Variants in FAM193A observed in about 807,000 individuals in gnomAD.
FAM193A encodes the protein family with sequence similarity 193 member A, also known as protein FAM193A.
Under a neutral mutation model 126.5 loss-of-function variants are expected in FAM193A, and 22 were observed. That is an observed-to-expected ratio of 0.17 (90% CI 0.12 to 0.25). The LOEUF (loss-of-function observed/expected upper bound fraction) is 0.25, where lower values mean the gene tolerates loss of function less well. Among genes scored for constraint, FAM193A ranks in the 10% least tolerant of loss-of-function variants. The pLI, the probability that FAM193A is intolerant of heterozygous loss-of-function variation, is 1.00. For missense variants in FAM193A, 1,675 were observed against 1,672.8 expected, an observed-to-expected ratio of 1.00 and a Z score of -0.02; for synonymous variants, 761 against 646.8, an observed-to-expected ratio of 1.18 and a Z score of -2.68.
At chr4:2,652,545 C>T (rs1467066222) in intron 7 of FAM193A, among the ~76,000 whole-genome samples, 8 of 152,100 alleles carry the variant, frequency 5.3e-5, no homozygotes, top group Non-Finnish European at 1.0e-4. Flanking sequence ...GCACATCTTA[C>T]GTGGCTGGAG....
chr4:2,559,322 T>G (rs547102933), intron 1 of FAM193A, among the ~76,000 whole-genome samples: 1 of 152,288 alleles, frequency 6.6e-6, no homozygotes, highest in East Asian at 1.9e-4. Context: ...GTTTGAAAAA[T>G]TCCTCTAATT....
chr4:2,638,129 C>G (rs1240783689), intron 5 of FAM193A, among the ~76,000 whole-genome samples: 1 of 152,344 alleles, frequency 6.6e-6, no homozygotes, highest in East Asian at 1.9e-4. Flanking sequence ...TTCCAGGAGG[C>G]CCCTCCCTCA....
Position 2,630,946 on chromosome 4 carries a change from G to A in FAM193A, c.815G>A (p.Arg272Lys), listed in dbSNP as rs747355342. 1.3e-6 allele frequency: 2 copies of A among 1,596,446 alleles called. No homozygotes were observed. ...VKELVDRLCE[R>K]DPYQLYQRLE... ...TCTTCTCTGTGCAGGCTCTGCGAGA[G>A]GGACCCCTACCAGCTGTACCAGCGT... is the stretch of plus-strand genomic sequence containing the variant. The change falls in exon 5 of 21, where the codon AGG (arginine) becomes AAG (lysine). Residue 272 changes from arginine to lysine, a missense_variant. Around this residue, in one of 4 missense-constraint regions of FAM193A, gnomAD observed 1,186 missense variants for 1,109.2 expected, o/e 1.07. Coordinates refer to ENST00000637812, the MANE Select transcript of FAM193A (RefSeq NM_001366318.2).
At chr4:2,547,128 C>T (rs1014491083) in intron 1 of FAM193A, among the ~76,000 whole-genome samples, 3 of 152,106 alleles carry the variant, frequency 2.0e-5, no homozygotes, top group Non-Finnish European at 4.4e-5. Flanking sequence ...TGGCTCACGC[C>T]TGTAATTCCA....
intron 13 of FAM193A, among the ~76,000 whole-genome samples, chr4:2,674,271 C>T (rs1714150214): frequency 6.6e-6 from 1 of 151,886 alleles, no homozygotes; most frequent in Admixed American, 6.5e-5. Flanking sequence ...TGTTATTTGA[C>T]TTAGTTTGGC....
Position 2,696,391 on chromosome 4 carries a change from A to G in FAM193A, c.3305A>G (p.Tyr1102Cys), listed in dbSNP as rs1369653459. The change falls in exon 18 of 21, where the codon TAT (tyrosine) becomes TGT (cysteine). Residue 1102 changes from tyrosine (Y) to cysteine (C), a missense_variant. By Grantham distance (194) the Tyr-to-Cys change is radical. Transcript: ENST00000637812. Reference protein sequence around the residue: ...GPPAAPTSRNYAEMREKLRLR... With the variant: ...GPPAAPTSRNCAEMREKLRLR... ...CCAGCTGCACCAACAAGTAGAAATT[A>G]TGCAGAAATGAGGGAAAAGCTTCGC... The G allele has an allele frequency of 6.2e-7, 1 of 1,614,020 alleles. No homozygotes were observed. Among genetic ancestry groups the G allele is most frequent in the Non-Finnish European group, 8.5e-7 (1 of 1,179,888 alleles).
intron 19 of FAM193A, among the ~76,000 whole-genome samples, chr4:2,710,178 T>G (rs13151906): frequency 4.3e-5 from 4 of 92,196 alleles, no homozygotes; most frequent in Admixed American, 4.2e-4. Flanking sequence ...TTTTTTTTTC[T>G]TTTTTTTTTT....
At chr4:2,694,760 C>T (rs115820200) in intron 16 of FAM193A, among the ~76,000 whole-genome samples, 186 bp from the exon 17 acceptor site, 3,944 of 152,224 alleles carry the variant, frequency 0.026, 182 homozygotes, top group African/African-American at 0.09. Context: ...CATGCGCACA[C>T]GCCATGTCTC....
chr4:2,725,947 G>A (rs1287900708), intron 20 of FAM193A, among the ~76,000 whole-genome samples: 1 of 151,818 alleles, frequency 6.6e-6, no homozygotes, highest in African/African-American at 2.4e-5. Flanking sequence ...CGCCCAGGCT[G>A]GAGTGCAGTG....
At chr4:2,730,714 C>T (rs1721280938) in intron 20 of FAM193A, among the ~76,000 whole-genome samples, 1 of 150,466 alleles carries the variant, frequency 6.6e-6, no homozygotes, top group Non-Finnish European at 1.5e-5. Context: ...AGCTTCTTGG[C>T]CAGGGAAGAA....
intron 19 of FAM193A, among the ~76,000 whole-genome samples, chr4:2,706,999 G>C (rs771077965): frequency 6.6e-6 from 1 of 152,006 alleles, no homozygotes; most frequent in Non-Finnish European, 1.5e-5. Flanking sequence ...GCGAGCGCCT[G>C]TGGTCCCAGC....
rs142087946 is a variant in FAM193A, at chr4:2,557,722, A to T, written c.255+20552A>T. Among the ~76,000 whole-genome samples, 195 of 150,610 alleles carry T rather than the reference A, an allele frequency of 1.3e-3. 1 individual carries two copies. The highest frequency in any genetic ancestry group is 4.6e-3 in the African/African-American group (190 of 41,010). ...AATCTCAGCACTTTGGGAGGCTGGG[A>T]TGGACGGATCATGAGGTCAGGAGAT... On this transcript the variant is annotated intron_variant, in intron 1 of 20. Coordinates refer to ENST00000637812, the MANE Select transcript of FAM193A (RefSeq NM_001366318.2).
intron 10 of FAM193A, among the ~76,000 whole-genome samples, chr4:2,661,986 A>G (rs1388554308): frequency 6.6e-6 from 1 of 152,070 alleles, no homozygotes; most frequent in Non-Finnish European, 1.5e-5. Context: ...GATTGAGACT[A>G]TCCTGGCTAA....
intron 7 of FAM193A, among the ~76,000 whole-genome samples, chr4:2,652,511 T>A (rs531325653): frequency 1.3e-5 from 2 of 152,160 alleles, no homozygotes; most frequent in South Asian, 4.1e-4. Context: ...CTTACAATCA[T>A]GGTGGAAGGT....
intron 2 of FAM193A, among the ~76,000 whole-genome samples, chr4:2,611,571 G>C (rs992406271): frequency 6.6e-6 from 1 of 152,132 alleles, no homozygotes; most frequent in Non-Finnish European, 1.5e-5. Flanking sequence ...ACCACGCCCG[G>C]CTTAATCTGC....
intron 1 of FAM193A, among the ~76,000 whole-genome samples, chr4:2,541,448 T>C (rs1372726511): frequency 7.8e-6 from 1 of 128,724 alleles, no homozygotes; most frequent in East Asian, 2.0e-4. Context: ...ATTGTGTACT[T>C]TTTTTTTTTT....
intron 1 of FAM193A, among the ~76,000 whole-genome samples, chr4:2,544,358 A>G (rs561028877): frequency 7.2e-5 from 11 of 152,116 alleles, no homozygotes; most frequent in African/African-American, 2.2e-4. Flanking sequence ...CCAGGAGTTC[A>G]GGACCAGCTT....
At chr4:2,669,261 AG>A (rs770607315) in intron 12 of FAM193A, among the ~76,000 whole-genome samples, 38 of 152,188 alleles carry the variant, frequency 2.5e-4, no homozygotes, top group Admixed American at 6.5e-5. Flanking sequence ...TATGTCTTAC[AG>A]GACCAGTTTG....
chr4:2,556,246 GC>G (rs1160020845), intron 1 of FAM193A, among the ~76,000 whole-genome samples: 1 of 149,104 alleles, frequency 6.7e-6, no homozygotes, highest in African/African-American at 2.5e-5. Context: ...TCGCTCTGTT[GC>G]CAGGCTGGAG....
Sources: allele counts gnomAD v4.1 joint callset (sites outside exome capture counted in the v4.1 genomes callset), GRCh38; gene constraint gnomAD v4.1.1; regional missense constraint gnomAD v4.1.1; transcripts MANE v1.5; gene names NCBI Gene and HGNC (gene_info 2026-07-23, HGNC 2026-07-21).